PRUNE2: variants seen among roughly 807,000 people sequenced by gnomAD.
PRUNE2 encodes prune homolog 2 with BCH domain.
Under a neutral mutation model 252.0 loss-of-function variants are expected in PRUNE2, and 164 were observed. The ratio of observed to expected loss-of-function variants is 0.65; its 90% confidence interval spans 0.57 to 0.74. PRUNE2 has a LOEUF of 0.74. PRUNE2 is among the 30% of genes least tolerant of loss of function. The pLI is 0.00. For missense variants in PRUNE2, 3,495 were observed against 3,711.0 expected (o/e 0.94, Z 1.51); for synonymous variants, 1,292 against 1,350.2 (o/e 0.96, Z 0.94).
intron 6 of PRUNE2, among the ~76,000 whole-genome samples, chr9:76,726,999 A>G (rs1474830194): frequency 1.3e-5 from 2 of 152,242 alleles, no homozygotes. Context: ...AAAAAAACCT[A>G]AATTCGTAAC....
intron 6 of PRUNE2, among the ~76,000 whole-genome samples, chr9:76,730,637 C>G (rs937538166): frequency 2.6e-5 from 4 of 152,214 alleles, no homozygotes; most frequent in Non-Finnish European, 5.9e-5. Flanking sequence ...TACGGTGGCT[C>G]ACGCCTGTAA....
intron 6 of PRUNE2, among the ~76,000 whole-genome samples, chr9:76,771,286 C>A (rs1445526654): frequency 2.0e-5 from 3 of 152,106 alleles, no homozygotes; most frequent in Admixed American, 2.0e-4. Context: ...CCTCAATGGT[C>A]ATCAACTTAG....
In PRUNE2 at chr9:76,704,741, A is replaced by G; in HGVS notation, c.7513+20T>C. 6.8e-7 allele frequency: 1 copy of G among 1,468,128 alleles called. No individual in the cohort carries two copies. The allele number at this position is 1,468,128 out of a possible 1,614,324, so 90.9% of individuals were successfully genotyped here. On this transcript the variant is annotated intron_variant, in intron 8 of 18. Transcript: ENST00000376718. Reference sequence around the variant, plus strand: ...CAACGCAGCAGTTTCTTGGAAGTGGAAGAATGGAATGTTTCTTACCATTTG... The same window carrying G: ...CAACGCAGCAGTTTCTTGGAAGTGGGAGAATGGAATGTTTCTTACCATTTG...
intron 6 of PRUNE2, among the ~76,000 whole-genome samples, chr9:76,730,043 C>A (rs1428889172): frequency 6.6e-6 from 1 of 152,234 alleles, no homozygotes; most frequent in East Asian, 1.9e-4. Context: ...GAAATAACTA[C>A]CTTAGTCCTA....
intron 1 of PRUNE2, chr9:76,862,555 T>G (rs1331155181): frequency 6.6e-6 from 1 of 152,164 alleles, no homozygotes; most frequent in East Asian, 1.9e-4. Flanking sequence ...CTTCTTCTAC[T>G]AAATGATAAA....
chr9:76,769,653 G>A (rs1380879700), intron 6 of PRUNE2, among the ~76,000 whole-genome samples: 4 of 152,142 alleles, frequency 2.6e-5, no homozygotes, highest in South Asian at 2.1e-4. Context: ...TCGAACTCCC[G>A]ACATCAGGTG....
intron 9 of PRUNE2, among the ~76,000 whole-genome samples, chr9:76,688,487 C>T (rs1264577223): frequency 6.6e-6 from 1 of 152,192 alleles, no homozygotes; most frequent in African/African-American, 2.4e-5. Flanking sequence ...AAATGATGAC[C>T]TTTCACAGGG....
chr9:76,714,282 G>C (rs564530608), intron 6 of PRUNE2, among the ~76,000 whole-genome samples: 1 of 150,390 alleles, frequency 6.6e-6, no homozygotes, highest in Admixed American at 6.6e-5. Context: ...GGCAGCTGTG[G>C]AGGAATGAAT....
intron 6 of PRUNE2, among the ~76,000 whole-genome samples, chr9:76,720,125 A>ATTT (rs5898502): frequency 0.24 from 33,021 of 138,184 alleles, 4,042 homozygotes; most frequent in East Asian, 0.61. Context: ...TGCTATTAAA[A>ATTT]GTTATGCTAT....
rs370679936 is a variant in PRUNE2, at chr9:76,629,292, T to TA, written c.9051-3dup. ...TTAATTTTACTGCTGAATTTTGAAC[T>TA]AAAAAAAAAAAAAAGAAAAAAATAT... On this transcript the variant is annotated splice_region_variant and splice_polypyrimidine_tract_variant and intron_variant, in intron 15 of 18. Transcript: ENST00000376718. The TA allele has an allele frequency of 0.034, 38,765 of 1,144,906 alleles. No homozygotes were observed. Among genetic ancestry groups the TA allele is most frequent in the Non-Finnish European group, 0.037 (30,956 of 827,950 alleles). The allele number at this position is 1,144,906 out of a possible 1,614,324, so 70.9% of individuals were successfully genotyped here.
chr9:76,905,859 C>A lies in PRUNE2; in HGVS notation c.36+69G>T, dbSNP rs140419695. On this transcript the variant is annotated intron_variant, in intron 1 of 18. Coordinates refer to ENST00000376718, the MANE Select transcript of PRUNE2 (RefSeq NM_015225.3). ...GTTTCTTCCTCCTCTGCTGCAACAC[C>A]TTTTCCTCTCCACCTTTCCATTAGC... The A allele has an allele frequency of 3.1e-6, 5 of 1,599,972 alleles. No homozygotes were observed. In the African/African-American group the frequency reaches 5.4e-5, roughly 17 times the overall value.
chr9:76,759,801 C>T (rs1425086328), intron 6 of PRUNE2: 1 of 152,478 alleles, frequency 6.6e-6, no homozygotes, highest in Non-Finnish European at 1.5e-5. Context: ...TAAAAGAGCA[C>T]TGTAGCATGC....
chr9:76,625,409 G>A (rs889063744), intron 16 of PRUNE2, among the ~76,000 whole-genome samples: 4 of 152,132 alleles, frequency 2.6e-5, no homozygotes, highest in Non-Finnish European at 4.4e-5. Context: ...CTCTACCATC[G>A]GGGTGGTTTG....
At chr9:76,897,492 C>T (rs1166032831) in intron 1 of PRUNE2, among the ~76,000 whole-genome samples, 1 of 142,104 alleles carries the variant, frequency 7.0e-6, no homozygotes, top group Non-Finnish European at 1.5e-5. Flanking sequence ...CGGCTCACTG[C>T]AACCTCCACC....
At chr9:76,839,497 G>C (rs1406593213) in intron 4 of PRUNE2, among the ~76,000 whole-genome samples, 4 of 152,212 alleles carry the variant, frequency 2.6e-5, no homozygotes, top group Non-Finnish European at 4.4e-5. Flanking sequence ...AAAGCTGAAA[G>C]GCTCTTGTGT....
At chr9:76,824,078 G>C (rs1242327995) in intron 5 of PRUNE2, among the ~76,000 whole-genome samples, 2 of 152,168 alleles carry the variant, frequency 1.3e-5, no homozygotes, top group Non-Finnish European at 2.9e-5. Context: ...AACTTGAGAA[G>C]ACTGGCTGCA....
rs764644109 is a variant in PRUNE2 at position 76,826,721 on chromosome 9, A to G, written c.520T>C (p.Phe174Leu). Residue 174 changes from phenylalanine to leucine, a missense_variant, in exon 5 of 19, where the codon TTC becomes CTC. Physicochemically the swap from Phe to Leu is conservative, Grantham distance 22. Transcript: ENST00000376718. ...LAHRLRGSIL[F>L]KWMTMESEKI... ...TCTGATTCCATGGTCATCCACTTGA[A>G]AAGAATGCTACCTGAAAGGTATGAA... 19 of 1,606,874 alleles carry G rather than the reference A, an allele frequency of 1.2e-5. No homozygotes were observed. Among genetic ancestry groups the G allele is most frequent in the African/African-American group, 2.7e-5 (2 of 74,656 alleles).
At chr9:76,667,143 G>T (rs1385541122) in intron 9 of PRUNE2, among the ~76,000 whole-genome samples, 1 of 152,228 alleles carries the variant, frequency 6.6e-6, no homozygotes, top group Non-Finnish European at 1.5e-5. Flanking sequence ...GCTTATGGGA[G>T]TGTTTTACAA....
intron 6 of PRUNE2, among the ~76,000 whole-genome samples, chr9:76,742,439 A>T (rs1383398655): frequency 6.6e-6 from 1 of 152,106 alleles, no homozygotes; most frequent in African/African-American, 2.4e-5. Flanking sequence ...ACATAGTGAG[A>T]CCTTGTCTAG....
Sources: allele counts gnomAD v4.1 joint callset (sites outside exome capture counted in the v4.1 genomes callset), GRCh38; gene constraint gnomAD v4.1.1; transcripts MANE v1.5; gene names NCBI Gene and HGNC (gene_info 2026-07-23, HGNC 2026-07-21).